The following GPHN variants were observed in gnomAD, a reference collection of about 807,000 sequenced individuals.
GPHN encodes the protein gephyrin.
In GPHN, 17 loss-of-function variants were observed where a neutral mutation model predicts 95.5. The observed-to-expected ratio is 0.18, with a 90% CI of 0.12 to 0.27. GPHN has a LOEUF of 0.27. Ranked by LOEUF, GPHN falls within the 10% of genes least tolerant of loss-of-function variation. The pLI is 1.00. For missense variants in GPHN, 660 were observed against 978.1 expected, an observed-to-expected ratio of 0.67 and a Z score of 4.34; for synonymous variants, 320 against 322.5, an observed-to-expected ratio of 0.99 and a Z score of 0.08.
intron 1 of GPHN, among the ~76,000 whole-genome samples, chr14:66,539,533 G>A (rs986089823): frequency 6.7e-6 from 1 of 150,154 alleles, no homozygotes; most frequent in Non-Finnish European, 1.5e-5. Flanking sequence ...TCCTGCCTCA[G>A]GTTCCTGAGT....
At chr14:66,818,681 G>A (rs111644239) in intron 3 of GPHN, among the ~76,000 whole-genome samples, 1 of 152,148 alleles carries the variant, frequency 6.6e-6, no homozygotes, top group Non-Finnish European at 1.5e-5. Flanking sequence ...TCGCGACACT[G>A]TCTTCCACAA....
At chr14:67,652,635 A>G in the GPHN span, 11 of 152,356 alleles carry the variant, frequency 7.2e-5, 1 homozygote, top group Admixed American at 2.0e-4. Context: ...TTACTGCCCA[A>G]GAACCCTGAC....
At chr14:67,559,766 C>T in the GPHN span, 4 of 946,890 alleles carry the variant, frequency 4.2e-6, no homozygotes, top group East Asian at 5.2e-5. Flanking sequence ...GTTTCCTGCC[C>T]CCTACTGTCT....
At chr14:67,684,784 GAAGAA>G in the GPHN span, 5 of 357,714 alleles carry the variant, frequency 1.4e-5, no homozygotes, top group Non-Finnish European at 2.5e-5. Flanking sequence ...ACAAAGACAG[GAAGAA>G]AACAAACAGA....
At chr14:67,205,094 G>A in the GPHN span, 1 of 1,545,628 alleles carries the variant, frequency 6.5e-7, no homozygotes. Context: ...GAGAAGGTAT[G>A]TGTCACTGAA....
chr14:66,592,472 C>A (rs879025349), intron 1 of GPHN, among the ~76,000 whole-genome samples: 4 of 76,458 alleles, frequency 5.2e-5, no homozygotes, highest in Admixed American at 3.4e-4. Context: ...AAAAAAAAAC[C>A]CCGTCAAGAA....
At chr14:67,536,360 A>G in the GPHN span, among the ~76,000 whole-genome samples, 1 of 151,792 alleles carries the variant, frequency 6.6e-6, no homozygotes, top group Non-Finnish European at 1.5e-5. Context: ...CACAATTGAC[A>G]AGTAGTCAGC....
chr14:66,536,712 G>T (rs1464476423), intron 1 of GPHN, among the ~76,000 whole-genome samples: 1 of 152,158 alleles, frequency 6.6e-6, no homozygotes, highest in Non-Finnish European at 1.5e-5. Flanking sequence ...TACACTTCAT[G>T]TGTACTTGAA....
intron 10 of GPHN, among the ~76,000 whole-genome samples, chr14:67,045,273 C>T (rs1440114931): frequency 6.6e-6 from 1 of 152,254 alleles, no homozygotes; most frequent in African/African-American, 2.4e-5. Context: ...CCCGCAGCCC[C>T]TTGTGGAACA....
At chr14:67,113,739 T>G (rs995797304) in intron 16 of GPHN, among the ~76,000 whole-genome samples, 2 of 152,224 alleles carry the variant, frequency 1.3e-5, no homozygotes, top group Non-Finnish European at 2.9e-5. Flanking sequence ...TGTCTTTTCA[T>G]TCCTGATTTA....
intron 9 of GPHN, among the ~76,000 whole-genome samples, chr14:67,017,485 CAAA>C (rs1471141694): frequency 2.0e-5 from 3 of 151,966 alleles, no homozygotes; most frequent in Non-Finnish European, 2.9e-5. Flanking sequence ...AGATGGTACT[CAAA>C]GAAGTTCATT....
intron 1 of GPHN, among the ~76,000 whole-genome samples, chr14:66,604,655 T>C (rs1486346848): frequency 2.6e-5 from 4 of 152,196 alleles, no homozygotes; most frequent in Non-Finnish European, 5.9e-5. Flanking sequence ...TATGTCTGAT[T>C]TAAAATGATT....
chr14:67,016,979 T>C (rs1036711170), intron 9 of GPHN, among the ~76,000 whole-genome samples: 3 of 152,110 alleles, frequency 2.0e-5, no homozygotes, highest in African/African-American at 7.2e-5. Flanking sequence ...ATTTTCCCCA[T>C]ATTATGGATG....
chr14:67,674,995 CGCGGCGACA>C, the GPHN span, among the ~76,000 whole-genome samples: 1 of 152,158 alleles, frequency 6.6e-6, no homozygotes, highest in East Asian at 1.9e-4. Context: ...GTTCAGCCCG[CGCGGCGACA>C]GCGGGCTTCG....
chr14:67,165,674 C>A (rs923266135), intron 20 of GPHN, among the ~76,000 whole-genome samples: 2 of 152,202 alleles, frequency 1.3e-5, no homozygotes, highest in Non-Finnish European at 2.9e-5. Context: ...AAAGCTGCCT[C>A]TGGTCCTTGC....
At chr14:67,226,507 C>T in the GPHN span, among the ~76,000 whole-genome samples, 1 of 152,346 alleles carries the variant, frequency 6.6e-6, no homozygotes, top group African/African-American at 2.4e-5. Flanking sequence ...ACTACAGGTG[C>T]ACACCATCAC....
At chr14:66,825,833 C>T (rs991226960) in intron 4 of GPHN, among the ~76,000 whole-genome samples, 1 of 152,124 alleles carries the variant, frequency 6.6e-6, no homozygotes, top group African/African-American at 2.4e-5. Flanking sequence ...TATTTAGCTT[C>T]TGGCTTCTAT....
chr14:67,569,316 G>A, the GPHN span: 1 of 805,778 alleles, frequency 1.2e-6, no homozygotes, highest in Non-Finnish European at 2.1e-6. Context: ...GGCCAGGGTT[G>A]GCTGGCCTAC....
At chr14:66,540,481 A>G in intron 1 of GPHN, among the ~76,000 whole-genome samples, 1 of 152,200 alleles carries the variant, frequency 6.6e-6, no homozygotes, top group East Asian at 1.9e-4. Context: ...TTGAAAATAA[A>G]TTAAATAGAG....
Sources: gnomAD v4.1 joint callset for allele counts (sites outside exome capture counted in the v4.1 genomes callset) on GRCh38, gnomAD v4.1.1 for gene constraint, MANE v1.5 for transcripts, NCBI Gene and HGNC (gene_info 2026-07-23, HGNC 2026-07-21) for gene names.